DENND2B: variants seen among roughly 807,000 people sequenced by gnomAD.
DENND2B encodes the protein DENN domain containing 2B.
In DENND2B, 32 loss-of-function variants were observed where a neutral mutation model predicts 116.0. The ratio of observed to expected loss-of-function variants is 0.28; its 90% CI spans 0.21 to 0.37. The LOEUF is 0.37. Among genes scored for constraint, DENND2B ranks in the 10% least tolerant of loss-of-function variants. The pLI is 1.00. For missense variants in DENND2B, 1,276 were observed against 1,477.7 expected (o/e 0.86, Z 2.24); for synonymous variants, 588 against 583.9 (o/e 1.01, Z -0.10).
intron 1 of DENND2B, among the ~76,000 whole-genome samples, chr11:8,895,078 G>C (rs182473265): frequency 0.023 from 3,530 of 152,274 alleles, 49 homozygotes; most frequent in Middle Eastern, 0.034. Context: ...CATAAAAAAG[G>C]ATGAGTTCAT....
chr11:8,694,404 G>T, intron 19 of DENND2B: 1 of 493,768 alleles, frequency 2.0e-6, no homozygotes, highest in Non-Finnish European at 3.7e-6. Context: ...GATCTGGCGG[G>T]CTGAGCACCC....
chr11:8,837,904 T>C (rs111269120), intron 4 of DENND2B, among the ~76,000 whole-genome samples: 1 of 151,984 alleles, frequency 6.6e-6, no homozygotes, highest in Admixed American at 6.6e-5. Context: ...CAAATATTCC[T>C]GAGTTTATGA....
intron 1 of DENND2B, among the ~76,000 whole-genome samples, chr11:8,881,280 C>T (rs2063901345): frequency 6.6e-6 from 1 of 152,080 alleles, no homozygotes; most frequent in African/African-American, 2.4e-5. Flanking sequence ...AATCTGGAGG[C>T]TCATGTTCTA....
intron 4 of DENND2B, among the ~76,000 whole-genome samples, chr11:8,821,320 G>T (rs992474831): frequency 1.3e-5 from 2 of 151,214 alleles, no homozygotes; most frequent in Non-Finnish European, 2.9e-5. Context: ...TTAACTAGCT[G>T]GCTCACACCA....
chr11:8,881,730 A>G (rs540632757), intron 1 of DENND2B, among the ~76,000 whole-genome samples: 3 of 152,208 alleles, frequency 2.0e-5, no homozygotes, highest in Non-Finnish European at 4.4e-5. Context: ...TAGTAGAGAC[A>G]GGATTTCACC....
At chr11:8,815,086 C>A (rs1405449067), upstream of DENND2B, among the ~76,000 whole-genome samples, 3 of 152,076 alleles carry the variant, frequency 2.0e-5, no homozygotes, top group African/African-American at 7.2e-5. Context: ...CCTCCACCAC[C>A]ACCGGGTCAT....
intron 3 of DENND2B, among the ~76,000 whole-genome samples, chr11:8,855,401 C>T (rs184672091): frequency 5.3e-5 from 8 of 150,706 alleles, no homozygotes; most frequent in African/African-American, 1.5e-4. Flanking sequence ...CTCTAGATGA[C>T]GGGAAAATTT....
chr11:8,860,964 G>A (rs1464862381), intron 2 of DENND2B, among the ~76,000 whole-genome samples: 2 of 152,108 alleles, frequency 1.3e-5, no homozygotes, highest in Non-Finnish European at 2.9e-5. Flanking sequence ...AAATGGTGCT[G>A]GGAAAACTGG....
In DENND2B at chr11:8,730,378, G is replaced by A; in HGVS notation, c.912C>T (p.Pro304=). Residue 304 remains proline, a synonymous_variant, in exon 3 of 20, where the codon CCC becomes CCT. Coordinates refer to ENST00000313726, the MANE Select transcript of DENND2B (RefSeq NM_213618.2). The surrounding 1 kb of genome is among the most constrained non-coding windows in gnomAD (Gnocchi z 4.1). Reference sequence around the variant, plus strand: ...CCCGGTCCACGCTGTAGCAGCTGCTGGGGAGCTGGGGGAGCCCCCGGCCCG... The same window carrying A: ...CCCGGTCCACGCTGTAGCAGCTGCTAGGGAGCTGGGGGAGCCCCCGGCCCG... ...EQPGRGLPQL[P]SSCYSVDRGK... The A allele has an allele frequency of 1.2e-6, 2 of 1,604,394 alleles. No homozygotes were observed. Among genetic ancestry groups the A allele is most frequent in the African/African-American group, 1.3e-5 (1 of 75,056 alleles).
chr11:8,806,605 AACACACACAC>A (rs71059180), intron 1 of DENND2B, among the ~76,000 whole-genome samples: 2 of 118,490 alleles, frequency 1.7e-5, no homozygotes, highest in Admixed American at 1.8e-4. Context: ...CTCCCTTCAA[AACACACACAC>A]ACACACACAC....
chr11:8,814,898 G>A (rs7111092), upstream of DENND2B, among the ~76,000 whole-genome samples: 14,400 of 152,148 alleles, frequency 0.095, 825 homozygotes, highest in East Asian at 0.19. Flanking sequence ...TCTTTTCATC[G>A]ACTTACAAAC....
chr11:8,863,171 A>C (rs1198357911), intron 2 of DENND2B, among the ~76,000 whole-genome samples: 4 of 151,712 alleles, frequency 2.6e-5, no homozygotes, highest in African/African-American at 9.7e-5. Flanking sequence ...AAGTAAATTA[A>C]TTAATTAAAA....
intron 4 of DENND2B, among the ~76,000 whole-genome samples, chr11:8,823,067 A>T (rs1457097991): frequency 6.6e-6 from 1 of 151,710 alleles, no homozygotes; most frequent in Admixed American, 6.6e-5. Context: ...ACACTCAGCA[A>T]TAGCTAGTAA....
In DENND2B at chr11:8,730,922, T is replaced by A. The variant is rs549606440; in HGVS notation, c.368A>T (p.Gln123Leu). Reference sequence around the variant, plus strand: ...GCAGGCAGCGACCCCTGCTACATCCTGGGCTGCGCCTTGGACACTTTCCTT... The same window carrying A: ...GCAGGCAGCGACCCCTGCTACATCCAGGGCTGCGCCTTGGACACTTTCCTT... ...AQKESVQGAAQDVAGVAACLP... is the reference protein window; with the variant it reads ...AQKESVQGAALDVAGVAACLP... Residue 123 changes from glutamine to leucine, a missense_variant, in exon 3 of 20, where the codon CAG (glutamine) becomes CTG (leucine). Transcript: ENST00000313726. This position sits in a 1 kb window ranked among gnomAD's most constrained non-coding sequence, Gnocchi z 4.1. 6.2e-7 allele frequency: 1 copy of A among 1,614,202 alleles called. No homozygotes were observed. The highest frequency in any genetic ancestry group is 1.3e-5 in the African/African-American group (1 of 75,072).
intron 1 of DENND2B, among the ~76,000 whole-genome samples, chr11:8,791,765 CAAAA>C (rs3055911): frequency 1.4e-5 from 2 of 147,460 alleles, no homozygotes; most frequent in African/African-American, 5.1e-5. Context: ...GACCCTATCT[CAAAA>C]AAAAAAAGGA....
At position 8,729,959 on chromosome 11, in the gene DENND2B, G is replaced by A. The variant is rs1307950180; in HGVS notation, c.1331C>T (p.Ser444Phe). 1.2e-6 allele frequency: 2 copies of A among 1,614,114 alleles called. No individual in the cohort carries two copies. Among genetic ancestry groups the A allele is most frequent in the Non-Finnish European group, 1.7e-6 (2 of 1,179,990 alleles). Residue 444 changes from serine to phenylalanine, a missense_variant, in exon 3 of 20, where the codon TCC becomes TTC. Ser to Phe is a radical substitution (Grantham distance 155). Around this residue, in one of 2 missense-constraint regions of DENND2B, gnomAD observed 856 missense variants for 846.6 expected, o/e 1.01. Transcript: ENST00000313726. ...GAGGGGCATGCATTACCTGCTCTGG[G>A]ACTTGCGGTGACCACGCATGTCCTT... Reference protein sequence around the residue: ...PKKDMRGHRKSQSRKSFEFED... With the variant: ...PKKDMRGHRKFQSRKSFEFED...
rs141135585 is a variant in DENND2B at position 8,788,172 on chromosome 11, G to C, written c.-26+22345C>G. On this transcript the variant is annotated intron_variant, in intron 1 of 19. Coordinates refer to ENST00000313726, the MANE Select transcript of DENND2B (RefSeq NM_213618.2). ...AACCCATCCAAACCCTGTAAGTGAA[G>C]TGTAAAGAATGCAACACAGATCTTC... 1.6e-3 allele frequency among the ~76,000 whole-genome samples: 244 copies of C among 152,178 alleles called. 1 individual carries two copies. The highest frequency in any genetic ancestry group is 5.5e-3 in the African/African-American group (228 of 41,498).
At chr11:8,763,498 A>C (rs1325768008) in intron 1 of DENND2B, among the ~76,000 whole-genome samples, 1 of 151,978 alleles carries the variant, frequency 6.6e-6, no homozygotes, top group Non-Finnish European at 1.5e-5. Context: ...GCTCATAATC[A>C]GAAGAAGAGA....
intron 1 of DENND2B, among the ~76,000 whole-genome samples, chr11:8,773,445 CCT>C (rs1210286364): frequency 6.6e-6 from 1 of 152,198 alleles, no homozygotes; most frequent in East Asian, 1.9e-4. Context: ...TTAACACTCC[CCT>C]GTCATAGCCC....
Sources: allele counts gnomAD v4.1 joint callset (sites outside exome capture counted in the v4.1 genomes callset), GRCh38; gene constraint gnomAD v4.1.1; regional missense constraint gnomAD v4.1.1; non-coding constraint Gnocchi (gnomAD v3.1); transcripts MANE v1.5; gene names NCBI Gene and HGNC (gene_info 2026-07-23, HGNC 2026-07-21).